The following TTLL4 variants were observed in gnomAD, a reference collection of about 807,000 sequenced individuals.
TTLL4 encodes tubulin monoglutamylase TTLL4.
In TTLL4, 85 loss-of-function variants were observed where a neutral mutation model predicts 122.7. That is an observed-to-expected ratio of 0.69 (90% CI 0.58 to 0.83). The LOEUF (loss-of-function observed/expected upper bound fraction) is 0.83, where lower values mean the gene tolerates loss of function less well. Ranked by LOEUF, TTLL4 falls within the 40% of genes least tolerant of loss-of-function variation. The pLI, the probability that TTLL4 is intolerant of heterozygous loss-of-function variation, is 0.00. For synonymous variants in TTLL4, 553 were observed against 563.0 expected, an observed-to-expected ratio of 0.98 and a Z score of 0.25; for missense variants, 1,363 against 1,488.6, an observed-to-expected ratio of 0.92 and a Z score of 1.39.
intron 16 of TTLL4, 62 bp downstream of exon 16, chr2:218,751,868 C>A: frequency 1.7e-6 from 2 of 1,163,592 alleles, no homozygotes; most frequent in Non-Finnish European, 2.4e-6. Flanking sequence ...CATTTGGGAC[C>A]CAAAAGCAAA....
At chr2:218,745,005 A>G in intron 5 of TTLL4, 104 bp from the exon 6 acceptor site, 1 of 1,475,688 alleles carries the variant, frequency 6.8e-7, no homozygotes, top group South Asian at 1.3e-5. Flanking sequence ...TTAGAATCAC[A>G]AGTTAAAAGA....
rs141532897 is a variant in TTLL4 at position 218,747,765 on chromosome 2, G to A, written c.2378+40G>A. On this transcript the variant is annotated intron_variant, in intron 11 of 19. Transcript: ENST00000392102. The surrounding 1 kb of genome is among the most constrained non-coding windows in gnomAD (Gnocchi z 4.7). Reference sequence around the variant, plus strand: ...TGAGGTATCCTCTGACAATATTGGGGATTTTATTTTCCTTGGAGGGAGGGA... The same window carrying A: ...TGAGGTATCCTCTGACAATATTGGGAATTTTATTTTCCTTGGAGGGAGGGA... 4.3e-6 allele frequency: 7 copies of A among 1,609,652 alleles called. No homozygotes were observed. In the East Asian group the frequency reaches 1.3e-4, roughly 31 times the overall value.
chr2:218,737,866 T>G lies in TTLL4; in HGVS notation c.190T>G (p.Ser64Ala). The change falls in exon 3 of 20, where the codon TCA becomes GCA. Residue 64 changes from serine (S) to alanine (A), a missense_variant. By Grantham distance (99) the Ser-to-Ala change is moderately conservative. Transcript: ENST00000392102. ...GGAAAAGAAGCAAGTGGAGACACTG[T>G]CAGCAGGGTTGGGCCCAGGCCTCTT... ...KLEKKQVETL[S>A]AGLGPGLLGV... The G allele has an allele frequency of 6.2e-7, 1 of 1,614,242 alleles. No individual in the cohort carries two copies. Among genetic ancestry groups the G allele is most frequent in the African/African-American group, 1.3e-5 (1 of 75,064 alleles).
Position 218,754,653 on chromosome 2 carries a change from GC to G in TTLL4, c.*266del. 1.9e-6 allele frequency: 1 copy of G among 536,308 alleles called. No individual in the cohort carries two copies. The highest frequency in any genetic ancestry group is 3.3e-6 in the Non-Finnish European group (1 of 303,448). The allele number at this position is 536,308 out of a possible 1,614,324, so 33.2% of individuals were successfully genotyped here. A position where few individuals can be genotyped will look rare whatever the true frequency, so the allele number is the denominator to read the frequency against. On this transcript the variant is annotated 3_prime_UTR_variant, in exon 20 of 20. Transcript: ENST00000392102. ...TATCTCAGCAGAGAAGCCAGTGGTG[GC>G]CACGCAGCCTTATAAAGCAGGTTTT... is the stretch of plus-strand genomic sequence containing the variant.
chr2:218,712,956 C>A (rs1941756299), intron 1 of TTLL4, among the ~76,000 whole-genome samples: 1 of 152,270 alleles, frequency 6.6e-6, no homozygotes, highest in African/African-American at 2.4e-5. Context: ...GAAAAGAACA[C>A]AACAGTTAAA....
Position 218,747,800 on chromosome 2 carries a change from A to G in TTLL4, c.2378+75A>G, listed in dbSNP as rs1942889999. ...TCCTTGGAGGGAGGGAAACTAGAAG[A>G]CACCAAACAGAAAAATAGTTTTTGT... On this transcript the variant is annotated intron_variant, in intron 11 of 19. Transcript: ENST00000392102. This position sits in a 1 kb window ranked among gnomAD's most constrained non-coding sequence, Gnocchi z 4.7. The G allele has an allele frequency of 6.3e-7, 1 of 1,577,196 alleles. No homozygotes were observed. Among genetic ancestry groups the G allele is most frequent in the Admixed American group, 1.8e-5 (1 of 55,798 alleles).
intron 12 of TTLL4, chr2:218,748,458 C>G (rs1029723957): frequency 5.3e-6 from 3 of 567,238 alleles, no homozygotes; most frequent in Admixed American, 6.9e-5. Context: ...AGTACAGGAC[C>G]AGCCTGGCCA....
At chr2:218,730,332 A>C (rs1166733945) in intron 2 of TTLL4, among the ~76,000 whole-genome samples, 38 of 140,372 alleles carry the variant, frequency 2.7e-4, no homozygotes, top group South Asian at 9.1e-4. Context: ...AAAAAAAAAA[A>C]AAAAAAAAAA....
intron 2 of TTLL4, among the ~76,000 whole-genome samples, chr2:218,735,521 C>T (rs924573689): frequency 1.3e-5 from 2 of 152,126 alleles, no homozygotes; most frequent in African/African-American, 4.8e-5. Context: ...CTGCAGTGAG[C>T]CATGTTTGTG....
At chr2:218,733,433 A>C (rs1942433398) in intron 2 of TTLL4, among the ~76,000 whole-genome samples, 1 of 152,172 alleles carries the variant, frequency 6.6e-6, no homozygotes, top group South Asian at 2.1e-4. Flanking sequence ...ACTTTTAAAC[A>C]ACCAGATCTC....
chr2:218,740,743 G>A (rs958431597), intron 5 of TTLL4, among the ~76,000 whole-genome samples, 159 bp downstream of exon 5: 5 of 152,080 alleles, frequency 3.3e-5, no homozygotes, highest in Non-Finnish European at 5.9e-5. Flanking sequence ...AGGGAGTAAT[G>A]GGGGGCCAGA....
chr2:218,753,340 G>GAA, intron 18 of TTLL4, 155 bp downstream of exon 18: 1 of 947,552 alleles, frequency 1.1e-6, no homozygotes, highest in South Asian at 1.4e-5. Flanking sequence ...CAAGGGAATA[G>GAA]TTGCCTCCAG....
downstream of TTLL4, among the ~76,000 whole-genome samples, chr2:218,756,170 C>T (rs941240702): frequency 6.6e-6 from 1 of 151,798 alleles, no homozygotes; most frequent in Non-Finnish European, 1.5e-5. Flanking sequence ...TGTGGCTGGG[C>T]CTTCACGGCA....
In TTLL4 at chr2:218,740,256, C is replaced by T; in HGVS notation, c.1597+89C>T. The T allele has an allele frequency of 4.7e-6, 6 of 1,269,816 alleles. No individual in the cohort carries two copies. In the South Asian group the frequency reaches 6.5e-5, roughly 14 times the overall value. The allele number at this position is 1,269,816 out of a possible 1,614,324, so 78.7% of individuals were successfully genotyped here. A position where few individuals can be genotyped will look rare whatever the true frequency, so the allele number is the denominator to read the frequency against. On this transcript the variant is annotated intron_variant, in intron 4 of 19. Coordinates refer to ENST00000392102, the MANE Select transcript of TTLL4 (RefSeq NM_014640.5). ...ACAATTGTGTACTAGGTCCTTGACTCACATTACCTACATCAGTCATTTGCT... is the reference window on the plus strand; with the variant it reads ...ACAATTGTGTACTAGGTCCTTGACTTACATTACCTACATCAGTCATTTGCT...
At chr2:218,755,553 G>A (rs1037895466), downstream of TTLL4, 2 of 152,204 alleles carry the variant, frequency 1.3e-5, no homozygotes, top group African/African-American at 2.4e-5. Context: ...GGATCAGAAA[G>A]GTTTTCTCTG....
intron 14 of TTLL4, 82 bp from the exon 15 acceptor site, chr2:218,749,927 G>T (rs1942971009): frequency 6.5e-7 from 1 of 1,530,210 alleles, no homozygotes. Flanking sequence ...GGAAGTAAAT[G>T]AGACTAGCCC....
chr2:218,731,980 C>A (rs1942393871), intron 2 of TTLL4, among the ~76,000 whole-genome samples: 1 of 152,172 alleles, frequency 6.6e-6, no homozygotes, highest in South Asian at 2.1e-4. Context: ...TGTGTAGGAA[C>A]AAGAAACACA....
intron 1 of TTLL4, among the ~76,000 whole-genome samples, chr2:218,726,610 C>T (rs1158882273): frequency 2.7e-5 from 4 of 150,564 alleles, no homozygotes; most frequent in Admixed American, 1.3e-4. Context: ...GGATTACAGG[C>T]GTGTGCCACC....
chr2:218,743,361 T>C (rs548618003), intron 5 of TTLL4, among the ~76,000 whole-genome samples: 5 of 152,228 alleles, frequency 3.3e-5, no homozygotes, highest in Non-Finnish European at 5.9e-5. Flanking sequence ...CCGGGGTTGT[T>C]GCATGTATTA....
Sources: allele counts gnomAD v4.1 joint callset (sites outside exome capture counted in the v4.1 genomes callset), GRCh38; gene constraint gnomAD v4.1.1; non-coding constraint Gnocchi (gnomAD v3.1); transcripts MANE v1.5; gene names NCBI Gene and HGNC (gene_info 2026-07-23, HGNC 2026-07-21).